The following BORCS5 variants were observed in gnomAD, a reference collection of about 807,000 sequenced individuals.
BORCS5 encodes the protein BLOC-1 related complex subunit 5.
A neutral mutation model predicts 22.1 loss-of-function variants in BORCS5; 17 were observed. The ratio of observed to expected loss-of-function variants is 0.77; its 90% CI spans 0.53 to 1.15. The LOEUF (loss-of-function observed/expected upper bound fraction) is 1.15. Among genes scored for constraint, BORCS5 ranks in the 50% most tolerant of loss-of-function variants. The pLI is 0.00. For synonymous variants in BORCS5, 117 were observed against 99.8 expected (o/e 1.17, Z -1.03); for missense variants, 247 against 253.2 (o/e 0.98, Z 0.17).
At chr12:12,459,994 CA>C (rs927769685) in intron 3 of BORCS5, among the ~76,000 whole-genome samples, 3 of 152,104 alleles carry the variant, frequency 2.0e-5, no homozygotes, top group African/African-American at 7.2e-5. Context: ...TTTGTTCTTT[CA>C]ATTATTTTGG....
intron 1 of BORCS5, among the ~76,000 whole-genome samples, chr12:12,359,285 A>G (rs887981479): frequency 6.6e-6 from 1 of 151,752 alleles, no homozygotes; most frequent in Non-Finnish European, 1.5e-5. Flanking sequence ...CTGTAGTCCT[A>G]GCTACTCAGG....
intron 2 of BORCS5, among the ~76,000 whole-genome samples, chr12:12,390,300 G>A (rs762674571): frequency 7.9e-5 from 12 of 152,076 alleles, no homozygotes; most frequent in Non-Finnish European, 4.4e-5. Flanking sequence ...AGGCAAGTTT[G>A]TCTTAGACCA....
intron 2 of BORCS5, among the ~76,000 whole-genome samples, chr12:12,410,763 G>T (rs1394690628): frequency 1.3e-5 from 2 of 152,206 alleles, no homozygotes; most frequent in African/African-American, 4.8e-5. Flanking sequence ...ATTCTGTGAA[G>T]AAAGTCATTG....
Position 12,399,276 on chromosome 12 carries a change from A to G in BORCS5, c.203-36352A>G, listed in dbSNP as rs73283434. Among the ~76,000 whole-genome samples the G allele has an allele frequency of 6.3e-3, 954 of 152,184 alleles. 14 individuals carry two copies. Among genetic ancestry groups the G allele is most frequent in the African/African-American group, 0.022 (901 of 41,514 alleles). On this transcript the variant is annotated intron_variant, in intron 2 of 3. Transcript: ENST00000314565. ...CAGGGAAAAACAACAGTATTGGGGGAAAAAGTTTGGAAAAATTGGATGGAG... is the reference window on the plus strand; with the variant it reads ...CAGGGAAAAACAACAGTATTGGGGGGAAAAGTTTGGAAAAATTGGATGGAG...
intron 2 of BORCS5, among the ~76,000 whole-genome samples, chr12:12,432,621 C>T (rs1245054390): frequency 6.6e-6 from 1 of 152,158 alleles, no homozygotes; most frequent in African/African-American, 2.4e-5. Flanking sequence ...GGAAACAGTC[C>T]AAATGTCCTC....
rs143297727 is a variant in BORCS5, at chr12:12,381,329, A to G, written c.202+19980A>G. Among the ~76,000 whole-genome samples, 62 of 151,378 alleles carry G rather than the reference A, an allele frequency of 4.1e-4. 1 individual carries two copies. The East Asian group carries it at 0.012, about 29-fold the overall frequency. On this transcript the variant is annotated intron_variant, in intron 2 of 3. Coordinates refer to ENST00000314565, the MANE Select transcript of BORCS5 (RefSeq NM_058169.6). Reference sequence around the variant, plus strand: ...TTTCTCCTAGAAGTTTTATAGTTTTAGTGATTGCATTTAGGCCTGTGATCC... The same window carrying G: ...TTTCTCCTAGAAGTTTTATAGTTTTGGTGATTGCATTTAGGCCTGTGATCC...
At position 12,441,160 on chromosome 12, in the gene BORCS5, C is replaced by A. The variant is rs568809677; in HGVS notation, c.360+5375C>A. Among the ~76,000 whole-genome samples, 632 of 152,262 alleles carry A rather than the reference C, an allele frequency of 4.2e-3. 7 individuals are homozygous for A. Among genetic ancestry groups the A allele is most frequent in the Middle Eastern group, 0.01 (3 of 294 alleles). On this transcript the variant is annotated intron_variant, in intron 3 of 3. Coordinates refer to ENST00000314565, the MANE Select transcript of BORCS5 (RefSeq NM_058169.6). ...CCTGGCACAGATCGGTCACACCCAG[C>A]AGCTTGTATCCTCTGTGGAGAAGAG...
intron 2 of BORCS5, among the ~76,000 whole-genome samples, chr12:12,418,172 T>G (rs563012988): frequency 3.3e-5 from 5 of 151,218 alleles, no homozygotes; most frequent in Non-Finnish European, 7.4e-5. Flanking sequence ...TATAGGTGCC[T>G]GCCGCCATGC....
intron 2 of BORCS5, among the ~76,000 whole-genome samples, chr12:12,435,322 C>T (rs998054108): frequency 3.9e-5 from 6 of 152,298 alleles, no homozygotes; most frequent in African/African-American, 7.2e-5. Flanking sequence ...AGCTATGTGA[C>T]GTTTGGAAAG....
intron 2 of BORCS5, among the ~76,000 whole-genome samples, chr12:12,372,144 A>C (rs983439331): frequency 3.9e-5 from 6 of 151,996 alleles, no homozygotes; most frequent in Non-Finnish European, 8.8e-5. Flanking sequence ...GGTTCAAGCA[A>C]TTCTCATGCC....
At chr12:12,465,297 C>T (rs1038493484) in intron 3 of BORCS5, among the ~76,000 whole-genome samples, 1 of 152,180 alleles carries the variant, frequency 6.6e-6, no homozygotes, top group African/African-American at 2.4e-5. Context: ...CAACAAGGTA[C>T]AAATAACGCA....
At chr12:12,457,677 C>G (rs1380923293) in intron 3 of BORCS5, among the ~76,000 whole-genome samples, 6 of 152,186 alleles carry the variant, frequency 3.9e-5, no homozygotes, top group Admixed American at 3.9e-4. Flanking sequence ...CTCTGAGTCA[C>G]TCAGCTTGAG....
At chr12:12,463,591 C>T (rs1943149343) in intron 3 of BORCS5, among the ~76,000 whole-genome samples, 1 of 152,124 alleles carries the variant, frequency 6.6e-6, no homozygotes, top group South Asian at 2.1e-4. Flanking sequence ...CGGTTTTTTT[C>T]TTCCATGGAG....
intron 3 of BORCS5, among the ~76,000 whole-genome samples, chr12:12,457,719 C>A (rs1383070610): frequency 1.3e-5 from 2 of 152,202 alleles, no homozygotes; most frequent in Non-Finnish European, 2.9e-5. Flanking sequence ...CTAAACAGGT[C>A]ATTTGCAGGG....
In BORCS5 at chr12:12,465,757, A is replaced by G. The variant is rs375329240; in HGVS notation, c.572A>G (p.Asp191Gly). 6.5e-5 allele frequency: 105 copies of G among 1,612,888 alleles called. 1 individual carries two copies. The African/African-American group carries it at 1.2e-3, about 18-fold the overall frequency. ...ERLEPFSMKP[D>G]RELRL Reference sequence around the variant, plus strand: ...CTGGAGCCCTTCAGCATGAAGCCCGACCGCGAGCTCAGGCTGTAGCTGCTG... The same window carrying G: ...CTGGAGCCCTTCAGCATGAAGCCCGGCCGCGAGCTCAGGCTGTAGCTGCTG... Residue 191 changes from aspartate (D) to glycine (G), a missense_variant, in exon 4 of 4, where the codon GAC becomes GGC. Transcript: ENST00000314565.
intron 2 of BORCS5, among the ~76,000 whole-genome samples, chr12:12,424,053 G>T (rs1942214415): frequency 6.6e-6 from 1 of 152,006 alleles, no homozygotes; most frequent in Non-Finnish European, 1.5e-5. Flanking sequence ...TGAGTTTGTT[G>T]AGCTTCTTGG....
At chr12:12,398,230 A>T (rs1565867452) in intron 2 of BORCS5, among the ~76,000 whole-genome samples, 1 of 152,218 alleles carries the variant, frequency 6.6e-6, no homozygotes, top group Admixed American at 6.5e-5. Context: ...CTTGCGGGAC[A>T]TCACTAAATA....
At chr12:12,380,682 G>A (rs556165854) in intron 2 of BORCS5, among the ~76,000 whole-genome samples, 9 of 151,478 alleles carry the variant, frequency 5.9e-5, no homozygotes, top group African/African-American at 1.9e-4. Flanking sequence ...TTACTTTTAC[G>A]AAACTGCCAA....
chr12:12,434,652 T>G (rs1200529473), intron 2 of BORCS5, among the ~76,000 whole-genome samples: 1 of 152,244 alleles, frequency 6.6e-6, no homozygotes, highest in Non-Finnish European at 1.5e-5. Flanking sequence ...ACCAGTGGCA[T>G]CATTTCACTT....
Sources: allele counts gnomAD v4.1 joint callset (sites outside exome capture counted in the v4.1 genomes callset), GRCh38; gene constraint gnomAD v4.1.1; transcripts MANE v1.5; gene names NCBI Gene and HGNC (gene_info 2026-07-23, HGNC 2026-07-21).